RCOR2: variants seen among roughly 807,000 people sequenced by gnomAD.
RCOR2 encodes REST corepressor 2.
In RCOR2, 19 loss-of-function variants were observed where a neutral mutation model predicts 58.9. That is an observed-to-expected ratio of 0.32 (90% CI 0.23 to 0.47). RCOR2 has a LOEUF of 0.47. RCOR2 is among the 20% of genes least tolerant of loss of function. The pLI, the probability that RCOR2 is intolerant of heterozygous loss-of-function variation, is 1.00. For synonymous variants in RCOR2, 286 were observed against 278.7 expected, an observed-to-expected ratio of 1.03 and a Z score of -0.26; for missense variants, 590 against 707.9, an observed-to-expected ratio of 0.83 and a Z score of 1.89.
rs1240275362 is a variant in RCOR2, at chr11:63,914,046, G to C, written c.799C>G (p.Pro267Ala). ...CCTGACACTGCCGTGAGGCCTTCAG[G>C]GCTCAGGTACATGCCCTTGGGTGGG... ...RRPPKGMYLS[P>A]EGLTAVSGSP... The change falls in exon 8 of 12, where the codon CCT becomes GCT. Residue 267 changes from proline to alanine, a missense_variant. Physicochemically the swap from Pro to Ala is conservative, Grantham distance 27 (BLOSUM62 -1). This residue lies in a region of RCOR2 where 390 missense variants were observed against 478.7 expected (regional missense o/e 0.81). Transcript: ENST00000301459. 1.9e-6 allele frequency: 3 copies of C among 1,613,812 alleles called. No individual in the cohort carries two copies. In the Admixed American group the frequency reaches 5.0e-5, roughly 27 times the overall value.
At chr11:63,913,162 T>TTATATA (rs1204145215) in intron 8 of RCOR2, among the ~76,000 whole-genome samples, 10 of 68,220 alleles carry the variant, frequency 1.5e-4, no homozygotes, top group African/African-American at 4.8e-4. Flanking sequence ...TTTTTATTTT[T>TTATATA]TATATATATA....
rs757565553 is a variant in RCOR2, at chr11:63,914,233, G to C, written c.675+28C>G. The C allele has an allele frequency of 2.7e-5, 43 of 1,613,224 alleles. No individual in the cohort carries two copies. The Admixed American group carries it at 6.8e-4, about 26-fold the overall frequency. On this transcript the variant is annotated intron_variant, in intron 7 of 11. Transcript: ENST00000301459. ...CAGAGAGAGGCAAGAGGACAGGCAG[G>C]CAGGGCCCAGAGGCTCTGGGAGCTC...
upstream of RCOR2, among the ~76,000 whole-genome samples, chr11:63,918,095 G>A (rs1003356427): frequency 9.9e-5 from 15 of 152,000 alleles, no homozygotes; most frequent in South Asian, 3.1e-3. Context: ...GTGCTGCAGC[G>A]CACACAAGCT....
In RCOR2 at chr11:63,917,109, C is replaced by G. The variant is rs1227977068; in HGVS notation, c.-653G>C. On this transcript the variant is annotated 5_prime_UTR_variant, in exon 1 of 12. Transcript: ENST00000301459. ...GCGCGCTCGCTCTCCCCGCCGCGCT[C>G]GGGATGCCGCTTGCTCGCCCGCTCT... Among the ~76,000 whole-genome samples, 1 of 151,538 alleles carries G rather than the reference C, an allele frequency of 6.6e-6. No individual in the cohort carries two copies. The highest frequency in any genetic ancestry group is 2.4e-5 in the African/African-American group (1 of 41,364).
intron 8 of RCOR2, 101 bp downstream of exon 8, chr11:63,913,853 G>T: frequency 9.0e-7 from 1 of 1,112,198 alleles, no homozygotes; most frequent in Non-Finnish European, 1.4e-6. Context: ...ATGGGGCTCG[G>T]CCCCTGAACC....
Position 63,914,757 on chromosome 11 carries a change from G to A in RCOR2, c.378C>T (p.Ala126=), listed in dbSNP as rs149210640. ...ACTCGTCAGGGAATGGGGTGAAGTT[G>A]GCCAGGTCGGCCAGCGACTTCTCCA... ...HDVEKSLADL[A]NFTPFPDEWT... is the part of the protein sequence containing the mutation. Residue 126 remains alanine (A), a synonymous_variant, in exon 5 of 12, where the codon GCC becomes GCT. Transcript: ENST00000301459. 9.2e-4 allele frequency: 1,479 copies of A among 1,612,910 alleles called. 4 individuals are homozygous for A. The highest frequency in any genetic ancestry group is 1.2e-3 in the Non-Finnish European group (1,417 of 1,179,490).
the RCOR2 span, among the ~76,000 whole-genome samples, chr11:63,923,899 C>T: frequency 1.3e-5 from 2 of 152,210 alleles, no homozygotes; most frequent in Non-Finnish European, 2.9e-5. Flanking sequence ...TTCCCTATCC[C>T]TCTTCCTTTT....
chr11:63,926,974 C>T, the RCOR2 span, among the ~76,000 whole-genome samples: 1 of 152,020 alleles, frequency 6.6e-6, no homozygotes, highest in Non-Finnish European at 1.5e-5. Flanking sequence ...AGGCGCATGC[C>T]ACCATGCCTG....
Position 63,916,627 on chromosome 11 carries a change from GC to G in RCOR2, c.-172del, listed in dbSNP as rs1941862086. 2 of 1,168,852 alleles carry G rather than the reference GC, an allele frequency of 1.7e-6. No individual in the cohort carries two copies. The highest frequency in any genetic ancestry group is 2.3e-6 in the Non-Finnish European group (2 of 861,262). The allele number at this position is 1,168,852 out of a possible 1,614,324, so 72.4% of individuals were successfully genotyped here. On this transcript the variant is annotated 5_prime_UTR_variant, in exon 1 of 12. Coordinates refer to ENST00000301459, the MANE Select transcript of RCOR2 (RefSeq NM_173587.4). ...CGGCGGGGTGGGAGCCCACCTGGTAGCCCCAGCGCTCTCCACGACCCCCACG... is the reference window on the plus strand; with the variant it reads ...CGGCGGGGTGGGAGCCCACCTGGTAGCCCAGCGCTCTCCACGACCCCCACG...
chr11:63,916,987 G>T lies in RCOR2; in HGVS notation c.-531C>A. On this transcript the variant is annotated 5_prime_UTR_variant, in exon 1 of 12. Transcript: ENST00000301459. ...GGGCACCGGCGGCGGCGGCGGCGGC[G>T]ACGGCGGCGGGACGGCGCGCACGGC... 6.8e-6 allele frequency: 1 copy of T among 147,784 alleles called. No individual in the cohort carries two copies. Among genetic ancestry groups the T allele is most frequent in the South Asian group, 1.8e-4 (1 of 5,630 alleles). The allele number at this position is 147,784 out of a possible 1,614,324, so 9.2% of individuals were successfully genotyped here.
chr11:63,922,360 TA>T, the RCOR2 span, among the ~76,000 whole-genome samples: 9 of 152,148 alleles, frequency 5.9e-5, no homozygotes, highest in Admixed American at 2.0e-4. Context: ...ATAATACAAA[TA>T]TTTTTTTTCT....
chr11:63,912,087 G>T lies in RCOR2; in HGVS notation c.1350C>A (p.Pro450=). ...TGGGCAAAGGTGGCCTCAGCAGCGGGGGTGGCTGGGACAGCGAGGTGGGAG... is the reference window on the plus strand; with the variant it reads ...TGGGCAAAGGTGGCCTCAGCAGCGGTGGTGGCTGGGACAGCGAGGTGGGAG... The part of the protein sequence containing the change: ...PPPPTSLSQP[P]PLLRPPLPTA... Residue 450 remains proline, a synonymous_variant, in exon 12 of 12, where the codon CCC becomes CCA. Transcript: ENST00000301459. The T allele has an allele frequency of 1.3e-6, 2 of 1,505,276 alleles. No individual in the cohort carries two copies. Among genetic ancestry groups the T allele is most frequent in the Non-Finnish European group, 8.8e-7 (1 of 1,133,834 alleles). The allele number at this position is 1,505,276 out of a possible 1,614,324, so 93.2% of individuals were successfully genotyped here.
intron 2 of RCOR2, 76 bp downstream of exon 2, chr11:63,915,479 G>A: frequency 6.8e-7 from 1 of 1,461,498 alleles, no homozygotes; most frequent in Non-Finnish European, 9.4e-7. Flanking sequence ...CCAATCAAGG[G>A]CGCCCCAGGT....
rs201796742 is a variant in RCOR2, at chr11:63,914,451, G to A, written c.571C>T (p.Arg191Trp). 7.4e-6 allele frequency: 12 copies of A among 1,613,754 alleles called. No homozygotes were observed. The highest frequency in any genetic ancestry group is 1.3e-5 in the African/African-American group (1 of 75,046). Residue 191 changes from arginine (R) to tryptophan (W), a missense_variant, in exon 6 of 12, where the codon CGG becomes TGG. By Grantham distance (101) the Arg-to-Trp change is moderately radical (BLOSUM62 -3). This residue lies in a region of RCOR2 where 390 missense variants were observed against 478.7 expected (regional missense o/e 0.81). Transcript: ENST00000301459. ...TTGTCCTTGCGGCCCCCCAGCCGCCGGGCCTGTCTGTCCATCACACTAGTT... is the reference window on the plus strand; with the variant it reads ...TTGTCCTTGCGGCCCCCCAGCCGCCAGGCCTGTCTGTCCATCACACTAGTT... ...SRTSVMDRQA[R>W]RLGGRKDKED...
chr11:63,915,667 A>G, intron 1 of RCOR2, 56 bp from the exon 2 acceptor site: 3 of 501,758 alleles, frequency 6.0e-6, no homozygotes, highest in East Asian at 4.8e-5. Context: ...GGGAGGGAGG[A>G]TGTGGCGGGC....
chr11:63,923,375 A>G, the RCOR2 span, among the ~76,000 whole-genome samples: 1 of 146,114 alleles, frequency 6.8e-6, no homozygotes, highest in Non-Finnish European at 1.5e-5. Context: ...TGCCCCTTTC[A>G]GCTAGCAGTA....
At chr11:63,913,208 AGG>A (rs1348227213) in intron 8 of RCOR2, among the ~76,000 whole-genome samples, 1 of 98,574 alleles carries the variant, frequency 1.0e-5, no homozygotes, top group Non-Finnish European at 2.0e-5. Flanking sequence ...TTTTTTGAGA[AGG>A]AGTTTTATTC....
At chr11:63,915,323 T>C in intron 2 of RCOR2, 65 bp from the exon 3 acceptor site, 4 of 1,426,056 alleles carry the variant, frequency 2.8e-6, no homozygotes, top group African/African-American at 2.8e-5. Flanking sequence ...CCTAGACCCA[T>C]GGCCAGAGGG....
chr11:63,915,196 A>G lies in RCOR2; in HGVS notation c.247T>C (p.Cys83Arg). 6.4e-7 allele frequency: 1 copy of G among 1,551,360 alleles called. No homozygotes were observed. Among genetic ancestry groups the G allele is most frequent in the Non-Finnish European group, 8.7e-7 (1 of 1,146,980 alleles). Residue 83 changes from cysteine to arginine, a missense_variant, in exon 3 of 12, where the codon TGT (cysteine) becomes CGT (arginine). By Grantham distance (180) the Cys-to-Arg change is radical. This residue lies in a region of RCOR2 where 390 missense variants were observed against 478.7 expected (regional missense o/e 0.81). Coordinates refer to ENST00000301459, the MANE Select transcript of RCOR2 (RefSeq NM_173587.4). ...CACTCACGCTTGGCATCTGACACACAGTGGTTGGGTGACCACACCAGCATC... is the reference window on the plus strand; with the variant it reads ...CACTCACGCTTGGCATCTGACACACGGTGGTTGGGTGACCACACCAGCATC... ...KGMLVWSPNH[C>R]VSDAKLDKYI...
Sources: gnomAD v4.1 joint callset for allele counts (sites outside exome capture counted in the v4.1 genomes callset) on GRCh38, gnomAD v4.1.1 for gene constraint, gnomAD v4.1.1 regional missense constraint, MANE v1.5 for transcripts, NCBI Gene and HGNC (gene_info 2026-07-23, HGNC 2026-07-21) for gene names.